Variants in ROR1 observed in about 807,000 individuals in gnomAD.
The protein encoded by ROR1 is ROR family WNT receptor 1.
A neutral mutation model predicts 78.8 loss-of-function variants in ROR1; 19 were observed. The ratio of observed to expected loss-of-function variants is 0.24; its 90% confidence interval spans 0.17 to 0.35. The LOEUF (loss-of-function observed/expected upper bound fraction) is 0.35. Ranked by LOEUF, ROR1 falls within the 10% of genes least tolerant of loss-of-function variation. The probability of loss-of-function intolerance (pLI) is 1.00; values close to 1 mark genes in which losing one functional copy is unlikely to be tolerated. For synonymous variants in ROR1, 386 were observed against 433.6 expected (o/e 0.89, Z 1.36); for missense variants, 917 against 1,177.8 (o/e 0.78, Z 3.24).
At chr1:64,012,603 G>A (rs1406670189) in intron 2 of ROR1, among the ~76,000 whole-genome samples, 2 of 152,164 alleles carry the variant, frequency 1.3e-5, no homozygotes, top group Admixed American at 1.3e-4. Context: ...TCCTGCTGAT[G>A]TTGAGCTTAC....
chr1:64,068,523 A>C (rs1292934091), intron 4 of ROR1, among the ~76,000 whole-genome samples: 1 of 152,184 alleles, frequency 6.6e-6, no homozygotes, highest in African/African-American at 2.4e-5. Context: ...GCAAACTGTC[A>C]ATGATTCTAT....
intron 2 of ROR1, among the ~76,000 whole-genome samples, chr1:64,026,951 GC>G (rs1646616409): frequency 6.6e-6 from 1 of 152,146 alleles, no homozygotes; most frequent in South Asian, 2.1e-4. Context: ...TTGAAAAGAA[GC>G]AAGAAGGATC....
intron 1 of ROR1, among the ~76,000 whole-genome samples, chr1:63,973,740 A>T (rs932181850): frequency 5.9e-5 from 9 of 152,198 alleles, no homozygotes; most frequent in Non-Finnish European, 1.3e-4. Flanking sequence ...GTCTGGGAAT[A>T]TGCATCTTAA....
chr1:64,049,820 T>G lies in ROR1; in HGVS notation c.293T>G (p.Val98Gly), dbSNP rs1646814224. 6.2e-7 allele frequency: 1 copy of G among 1,614,120 alleles called. No individual in the cohort carries two copies. Among genetic ancestry groups the G allele is most frequent in the Admixed American group, 1.7e-5 (1 of 60,008 alleles). Residue 98 changes from valine (V) to glycine (G), a missense_variant, in exon 3 of 9, where the codon GTG becomes GGG. Coordinates refer to ENST00000371079, the MANE Select transcript of ROR1 (RefSeq NM_005012.4). ...TIRWFKNDAP[V>G]VQEPRRLSFR... ...CGCTGGTTCAAAAATGATGCTCCTG[T>G]GGTCCAGGAGCCCCGGAGGCTCTCC... is the stretch of plus-strand genomic sequence containing the variant.
intron 4 of ROR1, among the ~76,000 whole-genome samples, chr1:64,086,439 A>T (rs534057861): frequency 6.6e-6 from 1 of 152,368 alleles, no homozygotes; most frequent in East Asian, 1.9e-4. Flanking sequence ...GTTGTTGAGG[A>T]TAGAGCCCTG....
intron 1 of ROR1, among the ~76,000 whole-genome samples, chr1:63,784,662 C>T (rs971626917): frequency 3.3e-5 from 5 of 152,214 alleles, no homozygotes; most frequent in Non-Finnish European, 7.3e-5. Flanking sequence ...CACTACTGCT[C>T]TGCCAGGTCA....
At chr1:64,018,625 C>T (rs928652683) in intron 2 of ROR1, among the ~76,000 whole-genome samples, 1 of 152,132 alleles carries the variant, frequency 6.6e-6, no homozygotes, top group Non-Finnish European at 1.5e-5. Flanking sequence ...CATGTGTCTC[C>T]CATTCAAAGA....
At chr1:63,974,803 C>G (rs1646145684) in intron 1 of ROR1, among the ~76,000 whole-genome samples, 2 of 152,132 alleles carry the variant, frequency 1.3e-5, no homozygotes, top group African/African-American at 4.8e-5. Flanking sequence ...TCACCACCGG[C>G]TACCAACTCT....
Position 64,178,495 on chromosome 1 carries a change from C to T in ROR1, c.2454C>T (p.Pro818=), listed in dbSNP as rs1437363451. 1.2e-6 allele frequency: 2 copies of T among 1,614,080 alleles called. No homozygotes were observed. The highest frequency in any genetic ancestry group is 2.7e-5 in the African/African-American group (2 of 74,922). Residue 818 remains proline (P), a synonymous_variant, in exon 9 of 9, where the codon CCC becomes CCT. Coordinates refer to ENST00000371079, the MANE Select transcript of ROR1 (RefSeq NM_005012.4). This position sits in a 1 kb window ranked among gnomAD's most constrained non-coding sequence, Gnocchi z 4.3. ...TACCTCAGAACCAGCGATTCATTCC[C>T]ATCAATGGATACCCAATACCTCCTG... ...PPIPQNQRFI[P]INGYPIPPGY... is the part of the protein sequence containing the mutation.
At chr1:63,944,232 C>T (rs946432602) in intron 1 of ROR1, among the ~76,000 whole-genome samples, 4 of 152,014 alleles carry the variant, frequency 2.6e-5, no homozygotes, top group Admixed American at 1.3e-4. Flanking sequence ...AAACCAAGCA[C>T]GTTGTGTTCA....
chr1:63,868,548 G>GAC (rs550529766), intron 1 of ROR1, among the ~76,000 whole-genome samples: 16 of 152,300 alleles, frequency 1.1e-4, no homozygotes, highest in African/African-American at 3.6e-4. Context: ...CTAAATCTTT[G>GAC]ATTGTGCATA....
At chr1:64,038,742 T>C (rs1646723205) in intron 2 of ROR1, among the ~76,000 whole-genome samples, 1 of 152,194 alleles carries the variant, frequency 6.6e-6, no homozygotes, top group Non-Finnish European at 1.5e-5. Flanking sequence ...AGGTTTTTGT[T>C]TATCTATTTA....
At chr1:64,054,174 G>A (rs1048147422) in intron 4 of ROR1, among the ~76,000 whole-genome samples, 4 of 152,114 alleles carry the variant, frequency 2.6e-5, no homozygotes, top group Admixed American at 6.5e-5. Context: ...GGCTGGTCTC[G>A]AACTCCTGGC....
At chr1:63,899,707 C>T (rs1473613303) in intron 1 of ROR1, among the ~76,000 whole-genome samples, 1 of 151,856 alleles carries the variant, frequency 6.6e-6, no homozygotes, top group Non-Finnish European at 1.5e-5. Flanking sequence ...AATTCAACAC[C>T]AAAGGAGAAA....
At chr1:64,020,883 T>TACCAA in intron 2 of ROR1, among the ~76,000 whole-genome samples, 1 of 152,314 alleles carries the variant, frequency 6.6e-6, no homozygotes, top group East Asian at 1.9e-4. Flanking sequence ...TGTGTTCCTG[T>TACCAA]ACCAAGCAAG....
rs774590418 is a variant in ROR1 at position 64,178,179 on chromosome 1, G to C, written c.2138G>C (p.Cys713Ser). The C allele has an allele frequency of 3.1e-6, 5 of 1,614,162 alleles. No homozygotes were observed. In the South Asian group the frequency reaches 5.5e-5, roughly 18 times the overall value. The change falls in exon 9 of 9, where the codon TGC becomes TCC. Residue 713 changes from cysteine to serine, a missense_variant. Physicochemically the swap from Cys to Ser is moderately radical, Grantham distance 112 (BLOSUM62 -1). Around this residue, in one of 3 missense-constraint regions of ROR1, gnomAD observed 835 missense variants for 1,069.8 expected, o/e 0.78. Transcript: ENST00000371079. This position sits in a 1 kb window ranked among gnomAD's most constrained non-coding sequence, Gnocchi z 4.3. ...EMVRKRQLLP[C>S]SEDCPPRMYS... The stretch of plus-strand genomic sequence containing the variant: ...GTGAGAAAACGGCAGCTCTTACCAT[G>C]CTCTGAAGACTGCCCACCCAGAATG...
chr1:63,886,590 G>T (rs1452802926), intron 1 of ROR1, among the ~76,000 whole-genome samples: 1 of 152,172 alleles, frequency 6.6e-6, no homozygotes, highest in African/African-American at 2.4e-5. Flanking sequence ...TCCACACTCA[G>T]TTCCTGGCAC....
intron 7 of ROR1, among the ~76,000 whole-genome samples, chr1:64,152,861 T>C (rs1649667164): frequency 6.6e-6 from 1 of 152,186 alleles, no homozygotes; most frequent in African/African-American, 2.4e-5. Flanking sequence ...TTGATGTTGA[T>C]TGACTGATTA....
chr1:64,047,195 G>T (rs747578724), intron 2 of ROR1, among the ~76,000 whole-genome samples: 1 of 152,166 alleles, frequency 6.6e-6, no homozygotes, highest in Non-Finnish European at 1.5e-5. Context: ...ATTGTTAGAG[G>T]ATAACAGGAG....
Sources: allele counts gnomAD v4.1 joint callset (sites outside exome capture counted in the v4.1 genomes callset), GRCh38; gene constraint gnomAD v4.1.1; regional missense constraint gnomAD v4.1.1; non-coding constraint Gnocchi (gnomAD v3.1); transcripts MANE v1.5; gene names NCBI Gene and HGNC (gene_info 2026-07-23, HGNC 2026-07-21).